Variants in KIF11 observed in about 807,000 individuals in gnomAD.
KIF11 encodes the protein kinesin family member 11.
KIF11 carries 9 observed loss-of-function variants against 121.0 expected under a neutral mutation model. The observed-to-expected ratio is 0.07, with a 90% CI of 0.04 to 0.13. The LOEUF (loss-of-function observed/expected upper bound fraction) is 0.13. Ranked by LOEUF, KIF11 falls within the 10% of genes least tolerant of loss-of-function variation. KIF11 has a pLI of 1.00. For missense variants in KIF11, 846 were observed against 1,217.5 expected, an observed-to-expected ratio of 0.69 and a Z score of 4.54; for synonymous variants, 408 against 421.0, an observed-to-expected ratio of 0.97 and a Z score of 0.38.
intron 1 of KIF11, among the ~76,000 whole-genome samples, chr10:92,593,896 A>G (rs933530818): frequency 3.3e-5 from 5 of 152,246 alleles, no homozygotes; most frequent in Non-Finnish European, 7.3e-5. Context: ...CTCTGTCTTT[A>G]AACATTAAAA....
intron 11 of KIF11, among the ~76,000 whole-genome samples, chr10:92,629,217 C>G (rs1467683987): frequency 6.6e-6 from 1 of 151,890 alleles, no homozygotes; most frequent in Non-Finnish European, 1.5e-5. Context: ...CTCCTGACCT[C>G]ATGATCTGCC....
intron 21 of KIF11, among the ~76,000 whole-genome samples, chr10:92,651,115 T>C (rs1844974614): frequency 6.6e-6 from 1 of 151,600 alleles, no homozygotes; most frequent in East Asian, 1.9e-4. Flanking sequence ...AACCTCCGCC[T>C]CCTGAGTTCA....
intron 10 of KIF11, among the ~76,000 whole-genome samples, chr10:92,627,481 CTG>C (rs2135913121): frequency 6.6e-6 from 1 of 152,286 alleles, no homozygotes; most frequent in Non-Finnish European, 1.5e-5. Flanking sequence ...TCTGCCATCC[CTG>C]TCTCTCCTTT....
At chr10:92,595,068 T>C (rs1158030626) in intron 1 of KIF11, among the ~76,000 whole-genome samples, 1 of 152,192 alleles carries the variant, frequency 6.6e-6, no homozygotes, top group Admixed American at 6.5e-5. Flanking sequence ...ACATGTGGTT[T>C]ATCAGTTTTT....
chr10:92,618,410 C>T (rs1267328971), intron 9 of KIF11, among the ~76,000 whole-genome samples: 5 of 151,274 alleles, frequency 3.3e-5, no homozygotes, highest in African/African-American at 9.7e-5. Flanking sequence ...TTTGGGAGGC[C>T]GAGGTAGGCG....
intron 1 of KIF11, among the ~76,000 whole-genome samples, chr10:92,602,848 GT>G (rs1320092897): frequency 1.1e-4 from 17 of 149,696 alleles, no homozygotes; most frequent in Middle Eastern, 3.4e-3. Flanking sequence ...GTGTGTGTGT[GT>G]GTGTGTGGTT....
intron 6 of KIF11, among the ~76,000 whole-genome samples, 189 bp from the exon 7 acceptor site, chr10:92,612,851 T>C (rs762176470): frequency 2.6e-5 from 4 of 152,198 alleles, no homozygotes. Flanking sequence ...GCAGTAGATA[T>C]GAGAAAACAA....
At chr10:92,627,528 A>G (rs1844693257) in intron 10 of KIF11, among the ~76,000 whole-genome samples, 1 of 152,120 alleles carries the variant, frequency 6.6e-6, no homozygotes, top group Admixed American at 6.5e-5. Context: ...TTATAGATCT[A>G]TTCCTTATCT....
intron 10 of KIF11, among the ~76,000 whole-genome samples, chr10:92,624,228 CTTTTT>C (rs201871020): frequency 1.0e-5 from 1 of 99,832 alleles, no homozygotes; most frequent in East Asian, 2.8e-4. Flanking sequence ...TGATCTCATT[CTTTTT>C]TTTTTTTTTT....
intron 4 of KIF11, among the ~76,000 whole-genome samples, chr10:92,608,545 T>C (rs948847784): frequency 1.5e-4 from 23 of 150,454 alleles, no homozygotes; most frequent in Non-Finnish European, 2.8e-4. Context: ...TTCAAGTGAT[T>C]CTCCTGCCTC....
At chr10:92,609,290 G>C (rs1844465582) in intron 5 of KIF11, 85 bp downstream of exon 5, 1 of 1,331,764 alleles carries the variant, frequency 7.5e-7, no homozygotes, top group South Asian at 1.5e-5. Context: ...GAGAGAGAGA[G>C]AGAGAGAGAG....
Position 92,654,231 on chromosome 10 carries a change from T to A in KIF11, c.*435T>A, listed in dbSNP as rs1211786132. ...TACTGTAAATTCAGTTGAATTTTGA[T>A]ATCTACCCATTTTTCTGTCATCCCT... is the stretch of plus-strand genomic sequence containing the variant. On this transcript the variant is annotated 3_prime_UTR_variant, in exon 22 of 22. Coordinates refer to ENST00000260731, the MANE Select transcript of KIF11 (RefSeq NM_004523.4). 1 of 152,642 alleles carries A rather than the reference T, an allele frequency of 6.6e-6. No individual in the cohort carries two copies. The highest frequency in any genetic ancestry group is 1.5e-5 in the Non-Finnish European group (1 of 68,320). The allele number at this position is 152,642 out of a possible 1,614,324, so 9.5% of individuals were successfully genotyped here.
Position 92,613,224 on chromosome 10 carries a change from G to T in KIF11, c.789+94G>T. On this transcript the variant is annotated intron_variant, in intron 7 of 21. Transcript: ENST00000260731. The surrounding 1 kb of genome is among the most constrained non-coding windows in gnomAD (Gnocchi z 4.2). ...TTGAGACAAAATTTTTGTGGTCACT[G>T]GGTGATTAGCTTTGTAGTGGGAGAA... 8.8e-7 allele frequency: 1 copy of T among 1,132,302 alleles called. No individual in the cohort carries two copies. The allele number at this position is 1,132,302 out of a possible 1,614,324, so 70.1% of individuals were successfully genotyped here. A position where few individuals can be genotyped will look rare whatever the true frequency, so the allele number is the denominator to read the frequency against.
At chr10:92,647,255 A>C (rs1204635577) in intron 18 of KIF11, among the ~76,000 whole-genome samples, 1 of 152,212 alleles carries the variant, frequency 6.6e-6, no homozygotes, top group Non-Finnish European at 1.5e-5. Context: ...TGTCTTCAGC[A>C]ACAAGTTTTT....
Position 92,593,318 on chromosome 10 carries a change from C to T in KIF11, c.-58C>T. On this transcript the variant is annotated 5_prime_UTR_variant, in exon 1 of 22. Coordinates refer to ENST00000260731, the MANE Select transcript of KIF11 (RefSeq NM_004523.4). ...GGCCCCTGTCGGCCGCCAAGCCCCT[C>T]CGCCCCTCACAGCGCCCAGGTCCGC... 2 of 1,542,918 alleles carry T rather than the reference C, an allele frequency of 1.3e-6. No homozygotes were observed. The highest frequency in any genetic ancestry group is 2.1e-4 in the Middle Eastern group (1 of 4,652).
chr10:92,612,751 A>G lies in KIF11; in HGVS notation c.699-289A>G, dbSNP rs74151663. On this transcript the variant is annotated intron_variant, in intron 6 of 21. Transcript: ENST00000260731. ...CCATCTCTTCTTGACATACCAGGCA[A>G]CTGTTTCGACCCCACCCACATCCAG... Among the ~76,000 whole-genome samples the G allele has an allele frequency of 8.6e-3, 1,311 of 152,288 alleles. 18 individuals carry two copies. Among genetic ancestry groups the G allele is most frequent in the African/African-American group, 0.03 (1,247 of 41,548 alleles).
Position 92,596,107 on chromosome 10 carries a change from C to T in KIF11, c.77+2655C>T, listed in dbSNP as rs553907293. Reference sequence around the variant, plus strand: ...CAAGCTCCATCTCCCGGGTTCACGCCATTCTCCTGCCTCAGCCTCCCAAGG... The same window carrying T: ...CAAGCTCCATCTCCCGGGTTCACGCTATTCTCCTGCCTCAGCCTCCCAAGG... On this transcript the variant is annotated intron_variant, in intron 1 of 21. Transcript: ENST00000260731. Among the ~76,000 whole-genome samples, 7 of 152,222 alleles carry T rather than the reference C, an allele frequency of 4.6e-5. No homozygotes were observed. The South Asian group carries it at 1.5e-3, about 32-fold the overall frequency.
rs184311152 is a variant in KIF11 at position 92,599,625 on chromosome 10, T to G, written c.77+6173T>G. On this transcript the variant is annotated intron_variant, in intron 1 of 21. Transcript: ENST00000260731. ...TCACTTATTAGTTCTAACAGTTTTT[T>G]TTTGTGTGTGTGTAATTTTAGAGTT... 2.3e-3 allele frequency among the ~76,000 whole-genome samples: 353 copies of G among 151,716 alleles called. 6 individuals are homozygous for G. The highest frequency in any genetic ancestry group is 0.021 in the Admixed American group (326 of 15,218).
At chr10:92,637,055 AATG>A in intron 14 of KIF11, 126 bp from the exon 15 acceptor site, 1 of 671,196 alleles carries the variant, frequency 1.5e-6, no homozygotes, top group South Asian at 2.2e-5. Context: ...AAAAAAAAAG[AATG>A]GAGAATGGAA....
Sources: allele counts gnomAD v4.1 joint callset (sites outside exome capture counted in the v4.1 genomes callset), GRCh38; gene constraint gnomAD v4.1.1; non-coding constraint Gnocchi (gnomAD v3.1); transcripts MANE v1.5; gene names NCBI Gene and HGNC (gene_info 2026-07-23, HGNC 2026-07-21).